The following FER variants were observed in gnomAD, a reference collection of about 807,000 sequenced individuals.
FER encodes the protein FER tyrosine kinase.
Under a neutral mutation model 111.0 loss-of-function variants are expected in FER, and 63 were observed. The ratio of observed to expected loss-of-function variants is 0.57; its 90% confidence interval spans 0.46 to 0.70. The LOEUF (loss-of-function observed/expected upper bound fraction) is 0.70. Among genes scored for constraint, FER ranks in the 30% least tolerant of loss-of-function variants. FER has a pLI of 0.00. For missense variants in FER, 914 were observed against 954.0 expected (o/e 0.96, Z 0.55); for synonymous variants, 327 against 313.9 (o/e 1.04, Z -0.44).
intron 17 of FER, among the ~76,000 whole-genome samples, chr5:109,154,351 A>T (rs1276853232): frequency 6.6e-6 from 1 of 151,994 alleles, no homozygotes; most frequent in Non-Finnish European, 1.5e-5. Flanking sequence ...ATGGAAGCTG[A>T]TTTTTACCAC....
At chr5:109,041,530 T>C (rs1054935162) in intron 14 of FER, among the ~76,000 whole-genome samples, 3 of 152,038 alleles carry the variant, frequency 2.0e-5, no homozygotes, top group African/African-American at 7.2e-5. Flanking sequence ...ATAGATGTTA[T>C]ACAACATTTG....
chr5:108,908,477 C>T (rs1440939980), intron 10 of FER, among the ~76,000 whole-genome samples: 1 of 152,098 alleles, frequency 6.6e-6, no homozygotes, highest in Non-Finnish European at 1.5e-5. Context: ...TAAACCATCA[C>T]ATAACATGTT....
chr5:109,149,070 C>G (rs530113616), intron 17 of FER, among the ~76,000 whole-genome samples: 6 of 147,274 alleles, frequency 4.1e-5, no homozygotes, highest in African/African-American at 1.3e-4. Flanking sequence ...AGTCACTTTC[C>G]TTTTTTCTGA....
intron 17 of FER, among the ~76,000 whole-genome samples, chr5:109,156,614 A>G (rs1755423857): frequency 6.6e-6 from 1 of 152,016 alleles, no homozygotes; most frequent in Non-Finnish European, 1.5e-5. Context: ...TGAAAAGAAA[A>G]GAGCACCTGG....
At chr5:109,139,218 T>C (rs1753236599) in intron 17 of FER, among the ~76,000 whole-genome samples, 1 of 152,076 alleles carries the variant, frequency 6.6e-6, no homozygotes, top group South Asian at 2.1e-4. Flanking sequence ...ATATTGTCTA[T>C]CAAAATCACT....
chr5:109,042,696 A>G (rs1213407484), intron 14 of FER, among the ~76,000 whole-genome samples: 2 of 152,230 alleles, frequency 1.3e-5, no homozygotes, highest in Non-Finnish European at 2.9e-5. Context: ...CAATTTTGGG[A>G]AAATCAAGAA....
intron 5 of FER, among the ~76,000 whole-genome samples, chr5:108,841,452 C>T (rs1020917490): frequency 6.6e-6 from 1 of 152,106 alleles, no homozygotes; most frequent in Admixed American, 6.5e-5. Flanking sequence ...AAACTTTTAA[C>T]TTGTATATAT....
intron 5 of FER, among the ~76,000 whole-genome samples, chr5:108,852,060 A>G (rs547885382): frequency 2.0e-5 from 3 of 152,364 alleles, no homozygotes; most frequent in African/African-American, 7.2e-5. Context: ...TCTATGATAA[A>G]TAAAAGAATG....
At chr5:108,980,753 T>C (rs938759140) in intron 13 of FER, among the ~76,000 whole-genome samples, 3 of 152,190 alleles carry the variant, frequency 2.0e-5, no homozygotes, top group Non-Finnish European at 4.4e-5. Flanking sequence ...TATTGTCACC[T>C]GATTGTCATA....
chr5:108,954,047 C>T (rs1168635605), intron 11 of FER, among the ~76,000 whole-genome samples: 1 of 152,104 alleles, frequency 6.6e-6, no homozygotes, highest in Non-Finnish European at 1.5e-5. Context: ...AATTTGCTTT[C>T]TCTACCATGC....
At chr5:109,004,131 T>A (rs75615884) in intron 13 of FER, among the ~76,000 whole-genome samples, 1,599 of 152,276 alleles carry the variant, frequency 0.011, 24 homozygotes, top group African/African-American at 0.036. Context: ...CCCTACAACT[T>A]TTCTGAATGA....
chr5:108,932,215 C>T (rs538020444), intron 10 of FER, among the ~76,000 whole-genome samples: 1 of 152,196 alleles, frequency 6.6e-6, no homozygotes, highest in Admixed American at 6.5e-5. Context: ...TATTCCTCTC[C>T]CTGTGTCCAT....
At chr5:109,134,524 C>T (rs1168525475) in intron 17 of FER, among the ~76,000 whole-genome samples, 1 of 152,072 alleles carries the variant, frequency 6.6e-6, no homozygotes, top group Non-Finnish European at 1.5e-5. Context: ...CTGTCCTAAA[C>T]AAGCAATTAA....
At chr5:109,065,880 T>C (rs1230974326) in intron 16 of FER, among the ~76,000 whole-genome samples, 1 of 152,218 alleles carries the variant, frequency 6.6e-6, no homozygotes, top group East Asian at 1.9e-4. Flanking sequence ...GAGAGCCTAA[T>C]AAATGTACCT....
At chr5:109,130,182 AT>A (rs1229031892) in intron 17 of FER, among the ~76,000 whole-genome samples, 7 of 152,070 alleles carry the variant, frequency 4.6e-5, no homozygotes, top group Non-Finnish European at 1.0e-4. Context: ...AGAGATTTTT[AT>A]CCCATAGTAA....
rs545437389 is a variant in FER at position 108,749,204 on chromosome 5, A to G, written c.-206+1204A>G. Among the ~76,000 whole-genome samples the G allele has an allele frequency of 8.6e-5, 13 of 151,960 alleles. No homozygotes were observed. The South Asian group carries it at 2.5e-3, about 29-fold the overall frequency. On this transcript the variant is annotated intron_variant, in intron 1 of 19. Coordinates refer to ENST00000281092, the MANE Select transcript of FER (RefSeq NM_005246.4). Reference sequence around the variant, plus strand: ...CCCCCCAACCCCCGTCCCTGGCTGCAGGGTCATCCGCTCATCCTCCCGCCC... The same window carrying G: ...CCCCCCAACCCCCGTCCCTGGCTGCGGGGTCATCCGCTCATCCTCCCGCCC...
intron 13 of FER, among the ~76,000 whole-genome samples, chr5:108,961,470 C>T (rs1460719929): frequency 1.3e-5 from 2 of 150,514 alleles, no homozygotes; most frequent in Non-Finnish European, 3.0e-5. Flanking sequence ...TTTTTCCAAC[C>T]CCCAACACTT....
intron 10 of FER, among the ~76,000 whole-genome samples, chr5:108,940,059 C>T (rs1270762193): frequency 6.6e-6 from 1 of 152,000 alleles, no homozygotes; most frequent in Non-Finnish European, 1.5e-5. Flanking sequence ...CCCTGAAACT[C>T]ATCAATAAAG....
At chr5:109,114,717 G>T (rs1303871178) in intron 17 of FER, among the ~76,000 whole-genome samples, 1 of 151,970 alleles carries the variant, frequency 6.6e-6, no homozygotes, top group Non-Finnish European at 1.5e-5. Flanking sequence ...ACTGGATTTG[G>T]ATCATGGGCC....
Sources: gnomAD v4.1 joint callset for allele counts (sites outside exome capture counted in the v4.1 genomes callset) on GRCh38, gnomAD v4.1.1 for gene constraint, MANE v1.5 for transcripts, NCBI Gene and HGNC (gene_info 2026-07-23, HGNC 2026-07-21) for gene names.